WNT7A: variants seen among roughly 807,000 people sequenced by gnomAD.
WNT7A encodes the protein Wnt family member 7A, also known as protein Wnt-7a.
WNT7A carries 16 observed loss-of-function variants against 28.2 expected under a neutral mutation model. The ratio of observed to expected loss-of-function variants is 0.57; its 90% CI spans 0.38 to 0.86. WNT7A has a LOEUF of 0.86. WNT7A is among the 40% of genes least tolerant of loss of function. The pLI, the probability that WNT7A is intolerant of heterozygous loss-of-function variation, is 0.00. For synonymous variants in WNT7A, 190 were observed against 195.9 expected (o/e 0.97, Z 0.25); for missense variants, 411 against 489.7 (o/e 0.84, Z 1.52).
chr3:13,856,972 A>AAGGAGAAGGAGAAGGAGAAGG (rs1559303401), intron 2 of WNT7A, among the ~76,000 whole-genome samples: 15 of 120,748 alleles, frequency 1.2e-4, no homozygotes, highest in African/African-American at 4.6e-4. Context: ...GAAGAAGGAG[A>AAGGAGAAGGAGAAGGAGAAGG]AGAAGAAGAA....
At chr3:13,822,564 G>A (rs918041571) in intron 3 of WNT7A, among the ~76,000 whole-genome samples, 2 of 152,216 alleles carry the variant, frequency 1.3e-5, no homozygotes, top group African/African-American at 4.8e-5. Flanking sequence ...GAGAAGAAGG[G>A]AAATGGGGAG....
intron 2 of WNT7A, among the ~76,000 whole-genome samples, chr3:13,856,927 A>AAGAAGAAGG (rs1694747783): frequency 9.0e-6 from 1 of 111,136 alleles, no homozygotes. Context: ...GAAGAAGAAG[A>AAGAAGAAGG]AGAAGAAGAA....
At chr3:13,855,672 C>T (rs547968208) in intron 2 of WNT7A, among the ~76,000 whole-genome samples, 2 of 152,262 alleles carry the variant, frequency 1.3e-5, no homozygotes, top group South Asian at 2.1e-4. Context: ...GTCTCCTCAC[C>T]TGCAAAATGG....
chr3:13,836,858 T>G (rs1052891951), intron 3 of WNT7A, among the ~76,000 whole-genome samples: 6 of 152,152 alleles, frequency 3.9e-5, no homozygotes, highest in African/African-American at 1.4e-4. Flanking sequence ...GCCCTGGGGC[T>G]GGAAAAACCA....
intron 3 of WNT7A, among the ~76,000 whole-genome samples, chr3:13,824,873 G>T (rs1182373920): frequency 6.6e-6 from 1 of 152,168 alleles, no homozygotes. Flanking sequence ...AAGGCCAAAA[G>T]AATCTGAAGA....
At chr3:13,856,953 G>A (rs1286966028) in intron 2 of WNT7A, among the ~76,000 whole-genome samples, 1 of 124,200 alleles carries the variant, frequency 8.1e-6, no homozygotes, top group Admixed American at 8.1e-5. Context: ...AGAAGAAGAA[G>A]AAGAAGAAGA....
At chr3:13,826,728 A>G (rs1694202426) in intron 3 of WNT7A, among the ~76,000 whole-genome samples, 1 of 152,218 alleles carries the variant, frequency 6.6e-6, no homozygotes, top group African/African-American at 2.4e-5. Context: ...ACCAGCCAGA[A>G]GAGGGCTAAA....
intron 3 of WNT7A, among the ~76,000 whole-genome samples, chr3:13,821,822 G>A (rs1694114528): frequency 6.6e-6 from 1 of 152,204 alleles, no homozygotes; most frequent in African/African-American, 2.4e-5. Flanking sequence ...TGTCTTCTGG[G>A]GGTCCTGGCA....
chr3:13,849,764 T>C (rs1221964963), intron 3 of WNT7A, among the ~76,000 whole-genome samples: 1 of 152,094 alleles, frequency 6.6e-6, no homozygotes, highest in African/African-American at 2.4e-5. Context: ...GAGCCAGGAA[T>C]TGAAGGAATA....
At chr3:13,850,661 A>G (rs1452129770) in intron 3 of WNT7A, among the ~76,000 whole-genome samples, 1 of 151,896 alleles carries the variant, frequency 6.6e-6, no homozygotes, top group Non-Finnish European at 1.5e-5. Flanking sequence ...ACTCTCATGA[A>G]GGGGTTGCTG....
chr3:13,867,087 C>G (rs1189506643), intron 2 of WNT7A, among the ~76,000 whole-genome samples: 2 of 152,074 alleles, frequency 1.3e-5, no homozygotes, highest in Non-Finnish European at 2.9e-5. Flanking sequence ...ACACAGGCCT[C>G]CTGGAAGCGG....
In WNT7A at chr3:13,816,982, AC is replaced by A. The variant is rs1694014280; in HGVS notation, c.*1961del. 1.3e-5 allele frequency: 2 copies of A among 152,394 alleles called. No homozygotes were observed. Among genetic ancestry groups the A allele is most frequent in the South Asian group, 4.2e-4 (2 of 4,816 alleles). The allele number at this position is 152,394 out of a possible 1,614,324, so 9.4% of individuals were successfully genotyped here. On this transcript the variant is annotated 3_prime_UTR_variant, in exon 4 of 4. Coordinates refer to ENST00000285018, the MANE Select transcript of WNT7A (RefSeq NM_004625.4). ...AATGTCCAAGGGAAGAAACCATGCAACCATCCAGTCACTTTTATTTGCCCAT... is the reference window on the plus strand; with the variant it reads ...AATGTCCAAGGGAAGAAACCATGCAACATCCAGTCACTTTTATTTGCCCAT...
chr3:13,838,570 G>A (rs976727572), intron 3 of WNT7A, among the ~76,000 whole-genome samples: 1 of 152,206 alleles, frequency 6.6e-6, no homozygotes, highest in Non-Finnish European at 1.5e-5. Context: ...GCTGCTGTTG[G>A]GGCTGGCTCA....
chr3:13,846,753 A>G (rs1457317230), intron 3 of WNT7A, among the ~76,000 whole-genome samples: 1 of 151,694 alleles, frequency 6.6e-6, no homozygotes, highest in Non-Finnish European at 1.5e-5. Context: ...TCCTAACCAC[A>G]CCACCCCCAG....
At chr3:13,821,024 C>T (rs1019468708) in intron 3 of WNT7A, among the ~76,000 whole-genome samples, 3 of 152,220 alleles carry the variant, frequency 2.0e-5, no homozygotes, top group South Asian at 2.1e-4. Flanking sequence ...AGGCTGCGTC[C>T]CACAAATCTG....
intron 1 of WNT7A, 26 bp downstream of exon 1, chr3:13,879,720 G>A (rs1206195838): frequency 1.2e-6 from 2 of 1,609,356 alleles, no homozygotes; most frequent in Non-Finnish European, 1.7e-6. Flanking sequence ...CGAAACACGC[G>A]CGGAAAGGGC....
chr3:13,833,656 C>A (rs886207345), intron 3 of WNT7A, among the ~76,000 whole-genome samples: 8 of 152,228 alleles, frequency 5.3e-5, no homozygotes, highest in African/African-American at 1.7e-4. Context: ...TTGCCTTGGG[C>A]AGGCCTGTCC....
At chr3:13,833,821 C>T (rs1190515205) in intron 3 of WNT7A, among the ~76,000 whole-genome samples, 3 of 152,226 alleles carry the variant, frequency 2.0e-5, no homozygotes. Flanking sequence ...CCTGAAATGG[C>T]CTTGGCAGTC....
chr3:13,830,443 A>C (rs1694263239), intron 3 of WNT7A, among the ~76,000 whole-genome samples: 1 of 151,936 alleles, frequency 6.6e-6, no homozygotes, highest in Non-Finnish European at 1.5e-5. Context: ...CCAAGCACCC[A>C]CCCTGCACCA....
Sources: gnomAD v4.1 joint callset for allele counts (sites outside exome capture counted in the v4.1 genomes callset) on GRCh38, gnomAD v4.1.1 for gene constraint, MANE v1.5 for transcripts, NCBI Gene and HGNC (gene_info 2026-07-23, HGNC 2026-07-21) for gene names.